Variants in SLAMF7 observed in about 807,000 individuals in gnomAD.
SLAMF7 encodes the protein 19A24 protein.
Under a neutral mutation model 34.1 loss-of-function variants are expected in SLAMF7, and 26 were observed. The observed-to-expected ratio is 0.76, with a 90% CI of 0.56 to 1.06. The LOEUF is 1.06. Among genes scored for constraint, SLAMF7 ranks in the 50% least tolerant of loss-of-function variants. SLAMF7 has a pLI of 0.00. For missense variants in SLAMF7, 399 were observed against 402.5 expected (o/e 0.99, Z 0.07); for synonymous variants, 171 against 156.4 (o/e 1.09, Z -0.70).
In SLAMF7 at chr1:160,747,069, T is replaced by C. The variant is rs12093453; in HGVS notation, c.56-1125T>C. ...ATTACAATGTGAATGCTGAGGCTTA[T>C]TGTATTGACTGTAGGGTCACCAGAG... On this transcript the variant is annotated intron_variant, in intron 1 of 6. Transcript: ENST00000368043. Among the ~76,000 whole-genome samples, 979 of 152,340 alleles carry C rather than the reference T, an allele frequency of 6.4e-3. 12 individuals are homozygous for C. Among genetic ancestry groups the C allele is most frequent in the African/African-American group, 0.022 (930 of 41,566 alleles).
Position 160,750,073 on chromosome 1 carries a change from T to A in SLAMF7, c.629T>A (p.Leu210His), listed in dbSNP as rs755729582. 6.2e-6 allele frequency: 10 copies of A among 1,614,000 alleles called. No individual in the cohort carries two copies. In the South Asian group the frequency reaches 8.8e-5, roughly 14 times the overall value. The change falls in exon 3 of 7, where the codon CTT becomes CAT. Residue 210 changes from leucine (L) to histidine (H), a missense_variant. By Grantham distance (99) the Leu-to-His change is moderately conservative. Coordinates refer to ENST00000368043, the MANE Select transcript of SLAMF7 (RefSeq NM_021181.5). The part of the protein sequence containing the change: ...PVSRNFSSPI[L>H]ARKLCEGAAD... ...AGCAGAAACTTCTCAAGCCCCATCCTTGCCAGGAAGCTCTGTGAAGGTGAC... is the reference window on the plus strand; with the variant it reads ...AGCAGAAACTTCTCAAGCCCCATCCATGCCAGGAAGCTCTGTGAAGGTGAC...
intron 1 of SLAMF7, among the ~76,000 whole-genome samples, chr1:160,746,249 T>C (rs1369325344): frequency 5.3e-5 from 8 of 152,232 alleles, no homozygotes; most frequent in African/African-American, 1.9e-4. Flanking sequence ...CGGATCACAT[T>C]CATTTTATAC....
intron 1 of SLAMF7, among the ~76,000 whole-genome samples, chr1:160,741,042 C>T (rs144111288): frequency 6.6e-6 from 1 of 152,164 alleles, no homozygotes; most frequent in African/African-American, 2.4e-5. Context: ...GTTGGGGTTT[C>T]TTCCCTCTCC....
rs1278620986 is a variant in SLAMF7 at position 160,751,325 on chromosome 1, C to T, written c.770-20C>T. 6.3e-7 allele frequency: 1 copy of T among 1,583,894 alleles called. No individual in the cohort carries two copies. Among genetic ancestry groups the T allele is most frequent in the Admixed American group, 1.7e-5 (1 of 59,926 alleles). On this transcript the variant is annotated intron_variant, in intron 4 of 6. Transcript: ENST00000368043. ...AGTGGTTGGAGAGGTGGCTTTGATT[C>T]TCTCCCAACTTGCTTTTAGAGTACA...
rs748355572 is a variant in SLAMF7, at chr1:160,748,242, G to A, written c.104G>A (p.Gly35Glu). 8 of 1,613,924 alleles carry A rather than the reference G, an allele frequency of 5.0e-6. No homozygotes were observed. In the African/African-American group the frequency reaches 9.3e-5, roughly 19 times the overall value. The change falls in exon 2 of 7, where the codon GGG becomes GAG. Residue 35 changes from glycine (G) to glutamate (E), a missense_variant. Coordinates refer to ENST00000368043, the MANE Select transcript of SLAMF7 (RefSeq NM_021181.5). ...PVKELVGSVG[G>E]AVTFPLKSKV... ...AAAGAGCTGGTCGGTTCCGTTGGTGGGGCCGTGACTTTCCCCCTGAAGTCC... is the reference window on the plus strand; with the variant it reads ...AAAGAGCTGGTCGGTTCCGTTGGTGAGGCCGTGACTTTCCCCCTGAAGTCC...
intron 6 of SLAMF7, among the ~76,000 whole-genome samples, 189 bp from the exon 7 acceptor site, chr1:160,752,917 T>C (rs1664748690): frequency 1.3e-5 from 2 of 152,168 alleles, no homozygotes; most frequent in Non-Finnish European, 2.9e-5. Flanking sequence ...GCAAGATAAA[T>C]ATGCGTTAAA....
rs766130202 is a variant in SLAMF7 at position 160,749,943 on chromosome 1, C to A, written c.499C>A (p.Leu167Met). 6.2e-6 allele frequency: 10 copies of A among 1,614,176 alleles called. No individual in the cohort carries two copies. Among genetic ancestry groups the A allele is most frequent in the Non-Finnish European group, 8.5e-6 (10 of 1,179,982 alleles). ...EEDVIYTWKA[L>M]GQAANESHNG... ...GGATGTGATTTATACCTGGAAGGCC[C>A]TGGGGCAAGCAGCCAATGAGTCCCA... The change falls in exon 3 of 7, where the codon CTG becomes ATG. Residue 167 changes from leucine to methionine, a missense_variant. Coordinates refer to ENST00000368043, the MANE Select transcript of SLAMF7 (RefSeq NM_021181.5).
chr1:160,739,645 AT>A (rs1266189520), intron 1 of SLAMF7: 47 of 327,306 alleles, frequency 1.4e-4, no homozygotes, highest in Admixed American at 1.8e-4. Flanking sequence ...AGGTTCTGCC[AT>A]GAGTTAGATA....
chr1:160,750,011 T>C lies in SLAMF7; in HGVS notation c.567T>C (p.Ser189=), dbSNP rs1431064765. The part of the protein sequence containing the change: ...ILPISWRWGE[S]DMTFICVARN... ...CCATCTCCTGGAGATGGGGAGAAAG[T>C]GATATGACCTTCATCTGCGTTGCCA... Residue 189 remains serine, a synonymous_variant, in exon 3 of 7, where the codon AGT becomes AGC. Transcript: ENST00000368043. The C allele has an allele frequency of 6.2e-7, 1 of 1,613,936 alleles. No individual in the cohort carries two copies. The highest frequency in any genetic ancestry group is 8.5e-7 in the Non-Finnish European group (1 of 1,179,980).
chr1:160,751,050 C>T (rs1404664717), intron 4 of SLAMF7: 14 of 366,064 alleles, frequency 3.8e-5, no homozygotes, highest in South Asian at 3.7e-4. Flanking sequence ...ACTTTGAAAT[C>T]TCCCTTCCCT....
intron 1 of SLAMF7, among the ~76,000 whole-genome samples, chr1:160,743,252 AG>A (rs1663880464): frequency 6.6e-6 from 1 of 152,236 alleles, no homozygotes; most frequent in African/African-American, 2.4e-5. Flanking sequence ...AGGCTTCCTC[AG>A]GGAAGAGCTT....
upstream of SLAMF7, chr1:160,739,115 C>T (rs1405400527): frequency 4.8e-6 from 3 of 626,534 alleles, no homozygotes; most frequent in East Asian, 2.8e-5. Flanking sequence ...GCAAATAGAT[C>T]TCTCATAGAT....
chr1:160,746,389 A>G (rs1217955391), intron 1 of SLAMF7, among the ~76,000 whole-genome samples: 1 of 152,246 alleles, frequency 6.6e-6, no homozygotes, highest in African/African-American at 2.4e-5. Flanking sequence ...TCAGGATCCT[A>G]TAGCTTGGCT....
Position 160,753,225 on chromosome 1 carries a change from C to T in SLAMF7, c.*48C>T, listed in dbSNP as rs747470039. 6.8e-6 allele frequency: 10 copies of T among 1,481,260 alleles called. No homozygotes were observed. In the African/African-American group the frequency reaches 6.9e-5, roughly 10 times the overall value. 91.8% of individuals were successfully genotyped at this position (1,481,260 alleles called of 1,614,324 possible). On this transcript the variant is annotated 3_prime_UTR_variant, in exon 7 of 7. Transcript: ENST00000368043. ...CTCTGCTCAAAAAAAAAACAATTCT[C>T]GGCCCAAAGAAAACAATCAGAAGAA...
At chr1:160,741,523 A>C (rs1276768600) in intron 1 of SLAMF7, among the ~76,000 whole-genome samples, 3 of 152,210 alleles carry the variant, frequency 2.0e-5, no homozygotes. Flanking sequence ...GGACTTGAGT[A>C]AAGTGCAATA....
intron 1 of SLAMF7, among the ~76,000 whole-genome samples, chr1:160,739,906 A>T (rs552373296): frequency 5.6e-4 from 86 of 152,300 alleles, no homozygotes; most frequent in African/African-American, 2.1e-3. Context: ...CTTTATGTTT[A>T]ATCCCATGGA....
At chr1:160,749,164 A>T (rs545478864) in intron 2 of SLAMF7, among the ~76,000 whole-genome samples, 1 of 152,206 alleles carries the variant, frequency 6.6e-6, no homozygotes, top group South Asian at 2.1e-4. Context: ...CACCTGATCC[A>T]GGTGTGTCTT....
intron 5 of SLAMF7, chr1:160,751,709 C>T: frequency 2.7e-6 from 1 of 372,786 alleles, no homozygotes; most frequent in Non-Finnish European, 4.9e-6. Context: ...CTCCACAGTT[C>T]ATAACGGCCA....
chr1:160,753,434 C>A lies in SLAMF7; in HGVS notation c.*257C>A. The A allele has an allele frequency of 6.0e-6, 3 of 498,596 alleles. No homozygotes were observed. The highest frequency in any genetic ancestry group is 1.1e-5 in the Non-Finnish European group (3 of 279,812). 30.9% of individuals were successfully genotyped at this position (498,596 alleles called of 1,614,324 possible). A position where few individuals can be genotyped will look rare whatever the true frequency, so the allele number is the denominator to read the frequency against. On this transcript the variant is annotated 3_prime_UTR_variant, in exon 7 of 7. Coordinates refer to ENST00000368043, the MANE Select transcript of SLAMF7 (RefSeq NM_021181.5). ...AAATGGGATTGTGAATGTCAGCAAA[C>A]CATAAAAAAAGTGCTTAGAAGTATT...
Sources: allele counts gnomAD v4.1 joint callset (sites outside exome capture counted in the v4.1 genomes callset), GRCh38; gene constraint gnomAD v4.1.1; transcripts MANE v1.5; gene names NCBI Gene and HGNC (gene_info 2026-07-23, HGNC 2026-07-21).